Variants in INPP4B observed in about 807,000 individuals in gnomAD.
INPP4B encodes the protein inositol polyphosphate 4-phosphatase type II.
A neutral mutation model predicts 122.5 loss-of-function variants in INPP4B; 55 were observed. The ratio of observed to expected loss-of-function variants is 0.45; its 90% CI spans 0.36 to 0.56. INPP4B has a LOEUF of 0.56. Ranked by LOEUF, INPP4B falls within the 20% of genes least tolerant of loss-of-function variation. The pLI, the probability that INPP4B is intolerant of heterozygous loss-of-function variation, is 0.00. For synonymous variants in INPP4B, 403 were observed against 388.7 expected, an observed-to-expected ratio of 1.04 and a Z score of -0.43; for missense variants, 1,000 against 1,097.7, an observed-to-expected ratio of 0.91 and a Z score of 1.26.
chr4:142,069,899 A>G (rs997891096), intron 25 of INPP4B, among the ~76,000 whole-genome samples: 2 of 152,240 alleles, frequency 1.3e-5, no homozygotes, highest in Non-Finnish European at 2.9e-5. Flanking sequence ...AAAATCTACC[A>G]GAGGTACAAA....
intron 9 of INPP4B, among the ~76,000 whole-genome samples, chr4:142,298,453 G>A (rs1389329833): frequency 3.9e-5 from 5 of 129,650 alleles, no homozygotes; most frequent in Middle Eastern, 4.6e-3. Context: ...TTGGGAGGCC[G>A]AGTTGGGTAG....
intron 2 of INPP4B, among the ~76,000 whole-genome samples, chr4:142,658,441 G>T (rs1442480867): frequency 6.6e-6 from 1 of 152,180 alleles, no homozygotes; most frequent in Non-Finnish European, 1.5e-5. Flanking sequence ...GCTGATCCTT[G>T]TTCTGTTTTT....
intron 7 of INPP4B, among the ~76,000 whole-genome samples, chr4:142,390,723 G>T (rs2148984637): frequency 6.6e-6 from 1 of 152,176 alleles, no homozygotes; most frequent in South Asian, 2.1e-4. Context: ...CTGAGTATAT[G>T]GTATCATAAT....
chr4:142,561,786 C>T (rs2150122623), intron 2 of INPP4B, among the ~76,000 whole-genome samples: 1 of 152,292 alleles, frequency 6.6e-6, no homozygotes, highest in Non-Finnish European at 1.5e-5. Context: ...CTTGCAATGT[C>T]AATTCAATAT....
chr4:142,373,396 C>G (rs573936523), intron 7 of INPP4B, among the ~76,000 whole-genome samples: 10 of 152,054 alleles, frequency 6.6e-5, no homozygotes, highest in African/African-American at 2.4e-4. Flanking sequence ...ACACTCCTTG[C>G]AAAATATAAT....
rs560659233 is a variant in INPP4B at position 142,475,344 on chromosome 4, G to A, written c.-190-12618C>T. Among the ~76,000 whole-genome samples the A allele has an allele frequency of 1.4e-3, 216 of 151,466 alleles. 1 individual carries two copies. The highest frequency in any genetic ancestry group is 0.01 in the Middle Eastern group (3 of 292). Reference sequence around the variant, plus strand: ...AAAACAAACAAAAAAACATCTAAAGGACAGCAACTTCAAGGACTGAAGGAA... The same window carrying A: ...AAAACAAACAAAAAAACATCTAAAGAACAGCAACTTCAAGGACTGAAGGAA... On this transcript the variant is annotated intron_variant, in intron 2 of 25. Coordinates refer to ENST00000262992, the MANE Select transcript of INPP4B (RefSeq NM_001101669.3).
At chr4:142,591,468 T>G (rs1191800167) in intron 2 of INPP4B, among the ~76,000 whole-genome samples, 1 of 151,798 alleles carries the variant, frequency 6.6e-6, no homozygotes, top group African/African-American at 2.4e-5. Context: ...AAATAAATAA[T>G]TGAATAAATA....
rs1374262091 is a variant in INPP4B at position 142,248,334 on chromosome 4, CTCTT to C, written c.689-10327_689-10324del. Among the ~76,000 whole-genome samples the C allele has an allele frequency of 1.4e-4, 10 of 71,084 alleles. No homozygotes were observed. The South Asian group carries it at 6.7e-3, about 48-fold the overall frequency. 46.6% of individuals were successfully genotyped at this position (71,084 alleles called of 152,430 possible). On this transcript the variant is annotated intron_variant, in intron 11 of 25. Coordinates refer to ENST00000262992, the MANE Select transcript of INPP4B (RefSeq NM_001101669.3). ...TCTCTGTGTTTCTCTCTCTCTCTCT[CTCTT>C]TTTTTTTTTTTTTTTTGAGATGGAG...
intron 16 of INPP4B, among the ~76,000 whole-genome samples, chr4:142,172,030 T>A (rs983066400): frequency 6.6e-6 from 1 of 151,806 alleles, no homozygotes; most frequent in African/African-American, 2.4e-5. Flanking sequence ...TGAACCGAAA[T>A]GAAATTATAT....
intron 14 of INPP4B, among the ~76,000 whole-genome samples, chr4:142,200,393 T>A (rs1343812): frequency 0.66 from 100,349 of 151,794 alleles, 36,653 homozygotes; most frequent in Non-Finnish European, 0.82. Flanking sequence ...TCCTTTTCAT[T>A]AGAGAATAGT....
At chr4:142,737,863 C>G (rs1767214473) in intron 1 of INPP4B, among the ~76,000 whole-genome samples, 1 of 152,206 alleles carries the variant, frequency 6.6e-6, no homozygotes, top group Non-Finnish European at 1.5e-5. Context: ...AAAAAATGCT[C>G]ATCATCACTG....
intron 5 of INPP4B, among the ~76,000 whole-genome samples, chr4:142,407,160 T>G (rs59339281): frequency 2.6e-5 from 4 of 152,224 alleles, no homozygotes; most frequent in Admixed American, 2.6e-4. Context: ...TTACTTGCAA[T>G]ATGAATGTGT....
chr4:142,582,638 G>A (rs1395879889), intron 2 of INPP4B, among the ~76,000 whole-genome samples: 2 of 152,084 alleles, frequency 1.3e-5, no homozygotes, highest in African/African-American at 4.8e-5. Context: ...AGGAAAGGAG[G>A]TCTTTTGTAA....
At chr4:142,587,879 G>A (rs1164434602) in intron 2 of INPP4B, among the ~76,000 whole-genome samples, 1 of 151,816 alleles carries the variant, frequency 6.6e-6, no homozygotes, top group Non-Finnish European at 1.5e-5. Context: ...AGAGACACTA[G>A]AAGAAAGGTA....
chr4:142,464,001 C>A (rs987214910), intron 2 of INPP4B, among the ~76,000 whole-genome samples: 54 of 152,094 alleles, frequency 3.6e-4, no homozygotes, highest in African/African-American at 1.2e-3. Flanking sequence ...CCCAATACAA[C>A]CACCCTATAA....
At chr4:142,235,998 A>G (rs1349148766) in intron 12 of INPP4B, among the ~76,000 whole-genome samples, 1 of 152,220 alleles carries the variant, frequency 6.6e-6, no homozygotes. Flanking sequence ...TGGCTATGCT[A>G]GATGTAGCTA....
chr4:142,475,388 A>G (rs1392325288), intron 2 of INPP4B, among the ~76,000 whole-genome samples: 2 of 152,070 alleles, frequency 1.3e-5, no homozygotes, highest in African/African-American at 4.8e-5. Context: ...CACACAGATG[A>G]GAAAAAAAAA....
chr4:142,621,717 G>C (rs1288775061), intron 2 of INPP4B, among the ~76,000 whole-genome samples: 1 of 151,572 alleles, frequency 6.6e-6, no homozygotes, highest in African/African-American at 2.4e-5. Context: ...GATTAAATAT[G>C]ATGTAATCAC....
chr4:142,819,324 G>A (rs1342528584), intron 1 of INPP4B, among the ~76,000 whole-genome samples: 1 of 152,142 alleles, frequency 6.6e-6, no homozygotes, highest in African/African-American at 2.4e-5. Context: ...AAATTGTGCT[G>A]AGAAGTTTCA....
Sources: allele counts gnomAD v4.1 joint callset (sites outside exome capture counted in the v4.1 genomes callset), GRCh38; gene constraint gnomAD v4.1.1; transcripts MANE v1.5; gene names NCBI Gene and HGNC (gene_info 2026-07-23, HGNC 2026-07-21).